The following TRPS1 variants were observed in gnomAD, a reference collection of about 807,000 sequenced individuals.
TRPS1 encodes the protein transcriptional repressor GATA binding 1, also known as zinc finger transcription factor Trps1.
Under a neutral mutation model 101.2 loss-of-function variants are expected in TRPS1, and 6 were observed. The ratio of observed to expected loss-of-function variants is 0.06; its 90% CI spans 0.03 to 0.12. The LOEUF is 0.12. TRPS1 is among the 10% of genes least tolerant of loss of function. The probability of loss-of-function intolerance (pLI) is 1.00; values close to 1 mark genes in which losing one functional copy is unlikely to be tolerated. For synonymous variants in TRPS1, 578 were observed against 589.8 expected, an observed-to-expected ratio of 0.98 and a Z score of 0.29; for missense variants, 1,363 against 1,567.0, an observed-to-expected ratio of 0.87 and a Z score of 2.20.
chr8:115,522,468 A>T (rs1204013892), intron 5 of TRPS1, among the ~76,000 whole-genome samples: 3 of 152,070 alleles, frequency 2.0e-5, no homozygotes, highest in Non-Finnish European at 4.4e-5. Context: ...GAAATTTTTT[A>T]AAAAAGAAGT....
At chr8:115,520,808 T>C (rs1040059511) in intron 5 of TRPS1, among the ~76,000 whole-genome samples, 3 of 152,004 alleles carry the variant, frequency 2.0e-5, no homozygotes, top group South Asian at 2.1e-4. Context: ...ATTACCTTAT[T>C]GGACAGTATT....
At position 115,479,693 on chromosome 8, in the gene TRPS1, G is replaced by T. The variant is rs189121903; in HGVS notation, c.2701-61241C>A. 1.3e-3 allele frequency among the ~76,000 whole-genome samples: 198 copies of T among 152,266 alleles called. 1 individual carries two copies. The highest frequency in any genetic ancestry group is 3.1e-3 in the South Asian group (15 of 4,830). The stretch of plus-strand genomic sequence containing the variant: ...CATAACAGTCTATATTTAACAGACA[G>T]CTAGGACATTAATAATACATCAACA... On this transcript the variant is annotated intron_variant, in intron 5 of 6. Transcript: ENST00000395715.
intron 5 of TRPS1, among the ~76,000 whole-genome samples, chr8:115,539,898 C>T (rs552040866): frequency 3.3e-5 from 5 of 152,230 alleles, no homozygotes; most frequent in African/African-American, 1.2e-4. Flanking sequence ...TAATATCTGC[C>T]GTCTACATGA....
At chr8:115,583,819 T>C (rs1817505991) in intron 5 of TRPS1, among the ~76,000 whole-genome samples, 1 of 151,912 alleles carries the variant, frequency 6.6e-6, no homozygotes, top group Admixed American at 6.6e-5. Flanking sequence ...AAGGGAAAAA[T>C]ATAGACATTT....
chr8:115,608,634 A>C (rs1049504535), intron 3 of TRPS1, among the ~76,000 whole-genome samples: 1 of 147,596 alleles, frequency 6.8e-6, no homozygotes, highest in African/African-American at 2.7e-5. Context: ...TTATAGGATT[A>C]TCGTGAGGAT....
At chr8:115,508,327 A>G (rs186509390) in intron 5 of TRPS1, among the ~76,000 whole-genome samples, 2 of 152,282 alleles carry the variant, frequency 1.3e-5, no homozygotes, top group East Asian at 3.9e-4. Context: ...ATATTAATAG[A>G]GAATCATCAT....
intron 1 of TRPS1, among the ~76,000 whole-genome samples, chr8:115,665,847 T>G (rs1055163674): frequency 1.3e-5 from 2 of 152,214 alleles, no homozygotes; most frequent in Admixed American, 1.3e-4. Flanking sequence ...AGTAACTTGC[T>G]ACTTTCCACC....
At chr8:115,469,028 G>C (rs1477009947) in intron 5 of TRPS1, among the ~76,000 whole-genome samples, 1 of 152,104 alleles carries the variant, frequency 6.6e-6, no homozygotes, top group African/African-American at 2.4e-5. Flanking sequence ...TGTGGTACCA[G>C]CTACTTCGTA....
At chr8:115,521,924 T>C (rs1815873495) in intron 5 of TRPS1, among the ~76,000 whole-genome samples, 1 of 152,004 alleles carries the variant, frequency 6.6e-6, no homozygotes, top group Non-Finnish European at 1.5e-5. Flanking sequence ...TTTGGTTTAA[T>C]GTCCTCATGA....
Position 115,619,319 on chromosome 8 carries a change from T to C in TRPS1, c.779A>G (p.His260Arg). The C allele has an allele frequency of 6.2e-7, 1 of 1,614,164 alleles. No homozygotes were observed. Among genetic ancestry groups the C allele is most frequent in the Non-Finnish European group, 8.5e-7 (1 of 1,180,036 alleles). ...CCTGGTGCGGTTATGCAGTCCTAAG[T>C]GATACTTTCGGAAGTGCTTAATCAG... ...TDLIKHFRKY[H>R]LGLHNRTRQD... The change falls in exon 3 of 7, where the codon CAC becomes CGC. Residue 260 changes from histidine (H) to arginine (R), a missense_variant. By Grantham distance (29) the His-to-Arg change is conservative. Coordinates refer to ENST00000395715, the MANE Select transcript of TRPS1 (RefSeq NM_014112.5).
chr8:115,560,085 A>G (rs1816911639), intron 5 of TRPS1, among the ~76,000 whole-genome samples: 1 of 150,672 alleles, frequency 6.6e-6, no homozygotes, highest in Non-Finnish European at 1.5e-5. Flanking sequence ...GCTGTTTATT[A>G]ATCTGATTAA....
intron 5 of TRPS1, among the ~76,000 whole-genome samples, chr8:115,430,442 G>T (rs1813290806): frequency 7.2e-6 from 1 of 137,936 alleles, no homozygotes; most frequent in African/African-American, 2.9e-5. Flanking sequence ...CTGCCACTTT[G>T]GAGTGTGTGT....
chr8:115,534,689 G>C (rs908535312), intron 5 of TRPS1, among the ~76,000 whole-genome samples: 8 of 152,228 alleles, frequency 5.3e-5, no homozygotes, highest in Admixed American at 4.6e-4. Context: ...TGAAGATCAA[G>C]GTATGTTAAG....
chr8:115,630,041 G>T (rs1247238526), intron 1 of TRPS1, among the ~76,000 whole-genome samples: 2 of 151,748 alleles, frequency 1.3e-5, no homozygotes, highest in Admixed American at 6.6e-5. Flanking sequence ...CAGAAAGAAA[G>T]AAATAAAGCA....
At chr8:115,563,506 G>A (rs1029800893) in intron 5 of TRPS1, among the ~76,000 whole-genome samples, 7 of 151,954 alleles carry the variant, frequency 4.6e-5, no homozygotes, top group Admixed American at 3.9e-4. Flanking sequence ...CAGAAGGTGG[G>A]GAAATTAAAA....
intron 3 of TRPS1, among the ~76,000 whole-genome samples, chr8:115,613,392 C>T (rs1352262284): frequency 1.3e-5 from 2 of 152,190 alleles, no homozygotes; most frequent in African/African-American, 2.4e-5. Context: ...TCACCCAAGT[C>T]CCCAAAATCA....
intron 5 of TRPS1, among the ~76,000 whole-genome samples, chr8:115,585,134 G>A (rs1416845448): frequency 6.6e-6 from 1 of 152,144 alleles, no homozygotes; most frequent in Non-Finnish European, 1.5e-5. Flanking sequence ...GGAATCTCTT[G>A]TTTAAGGTTT....
intron 1 of TRPS1, among the ~76,000 whole-genome samples, chr8:115,629,792 C>T (rs1352471301): frequency 6.6e-6 from 1 of 151,778 alleles, no homozygotes; most frequent in Non-Finnish European, 1.5e-5. Context: ...ACATGCTCCT[C>T]CCTGATTATT....
chr8:115,452,874 C>T (rs965521048), intron 5 of TRPS1, among the ~76,000 whole-genome samples: 2 of 152,142 alleles, frequency 1.3e-5, no homozygotes, highest in African/African-American at 4.8e-5. Context: ...TAAAATGTCG[C>T]ATCACCATTA....
Sources: gnomAD v4.1 joint callset for allele counts (sites outside exome capture counted in the v4.1 genomes callset) on GRCh38, gnomAD v4.1.1 for gene constraint, MANE v1.5 for transcripts, NCBI Gene and HGNC (gene_info 2026-07-23, HGNC 2026-07-21) for gene names.